The following PCDH15 variants were observed in gnomAD, a reference collection of about 807,000 sequenced individuals.
PCDH15 encodes protocadherin related 15.
PCDH15 carries 129 observed loss-of-function variants against 178.5 expected under a neutral mutation model. The observed-to-expected ratio is 0.72, with a 90% CI of 0.63 to 0.84. The LOEUF (loss-of-function observed/expected upper bound fraction) is 0.84, where lower values mean the gene tolerates loss of function less well. Ranked by LOEUF, PCDH15 falls within the 40% of genes least tolerant of loss-of-function variation. PCDH15 has a pLI of 0.00. For synonymous variants in PCDH15, 800 were observed against 732.0 expected (o/e 1.09, Z -1.50); for missense variants, 2,230 against 2,099.9 (o/e 1.06, Z -1.21).
intron 1 of PCDH15, among the ~76,000 whole-genome samples, chr10:55,291,401 CTA>C (rs1843003314): frequency 6.6e-6 from 1 of 152,108 alleles, no homozygotes; most frequent in Admixed American, 6.6e-5. Flanking sequence ...TCTGTATATT[CTA>C]TTACTATCTG....
chr10:54,285,538 A>C (rs575892922), intron 8 of PCDH15, among the ~76,000 whole-genome samples: 1 of 152,234 alleles, frequency 6.6e-6, no homozygotes, highest in Non-Finnish European at 1.5e-5. Context: ...TCTCATCCCA[A>C]TTCGAATATT....
At chr10:54,410,667 T>A (rs1383684041) in intron 3 of PCDH15, among the ~76,000 whole-genome samples, 3 of 152,140 alleles carry the variant, frequency 2.0e-5, no homozygotes, top group Admixed American at 2.0e-4. Flanking sequence ...AAACTCACAA[T>A]GTACACATTT....
intron 1 of PCDH15, among the ~76,000 whole-genome samples, chr10:54,738,833 C>A (rs113739983): frequency 6.6e-6 from 1 of 152,028 alleles, no homozygotes; most frequent in African/African-American, 2.4e-5. Flanking sequence ...ATCCAACTTT[C>A]CTTCTTTAAA....
intron 2 of PCDH15, among the ~76,000 whole-genome samples, chr10:54,575,869 C>T (rs2090421973): frequency 2.0e-5 from 3 of 152,114 alleles, no homozygotes. Context: ...TGTTTTTGTG[C>T]CATATTTAAT....
chr10:55,623,281 A>C (rs1256027891), intron 2 of PCDH15, among the ~76,000 whole-genome samples: 1 of 152,150 alleles, frequency 6.6e-6, no homozygotes, highest in East Asian at 1.9e-4. Context: ...CTTACATACA[A>C]GTGGCTGTGG....
At chr10:55,613,172 C>G (rs1251527156) in intron 2 of PCDH15, among the ~76,000 whole-genome samples, 3 of 151,910 alleles carry the variant, frequency 2.0e-5, no homozygotes, top group Non-Finnish European at 4.4e-5. Context: ...ATTAGTTTTG[C>G]CTCATGTTCC....
At chr10:55,543,229 T>C (rs1841803170) in intron 2 of PCDH15, among the ~76,000 whole-genome samples, 1 of 150,744 alleles carries the variant, frequency 6.6e-6, no homozygotes, top group Admixed American at 6.6e-5. Flanking sequence ...ATAATTATAA[T>C]TACAAATGTG....
At chr10:55,287,134 T>C (rs1842892177) in intron 1 of PCDH15, among the ~76,000 whole-genome samples, 1 of 151,936 alleles carries the variant, frequency 6.6e-6, no homozygotes, top group South Asian at 2.1e-4. Flanking sequence ...AATCAGTAAC[T>C]TCAAGTTGCC....
chr10:55,113,994 G>C (rs1416132952), intron 2 of PCDH15, among the ~76,000 whole-genome samples: 1 of 151,922 alleles, frequency 6.6e-6, no homozygotes, highest in East Asian at 1.9e-4. Context: ...TGTCGCCCAG[G>C]CTGGAGTGCA....
At chr10:55,075,540 A>C (rs1284859431) in intron 2 of PCDH15, among the ~76,000 whole-genome samples, 1 of 151,112 alleles carries the variant, frequency 6.6e-6, no homozygotes, top group Non-Finnish European at 1.5e-5. Context: ...TAATTTTTGT[A>C]TTTTAGTAGA....
intron 7 of PCDH15, among the ~76,000 whole-genome samples, chr10:54,320,088 C>A (rs965346246): frequency 6.6e-6 from 1 of 152,098 alleles, no homozygotes; most frequent in South Asian, 2.1e-4. Flanking sequence ...CCTAGAGGCA[C>A]TATAAAGATT....
chr10:53,808,748 C>A, intron 37 of PCDH15: 3 of 1,613,004 alleles, frequency 1.9e-6, no homozygotes, highest in Non-Finnish European at 1.7e-6. Flanking sequence ...TTTTGGTTTG[C>A]ATTCTTGCTT....
At chr10:54,061,712 G>T (rs996377366) in intron 18 of PCDH15, among the ~76,000 whole-genome samples, 1 of 151,704 alleles carries the variant, frequency 6.6e-6, no homozygotes, top group Non-Finnish European at 1.5e-5. Context: ...GTATTTACTA[G>T]GTTTTGAGTA....
intron 2 of PCDH15, among the ~76,000 whole-genome samples, chr10:55,137,448 A>G (rs778346460): frequency 1.3e-5 from 2 of 151,992 alleles, no homozygotes; most frequent in Admixed American, 6.6e-5. Context: ...GTGCAAGTAC[A>G]CTCCATAATG....
intron 2 of PCDH15, among the ~76,000 whole-genome samples, chr10:55,139,397 T>G (rs939674579): frequency 2.0e-5 from 3 of 152,052 alleles, no homozygotes; most frequent in African/African-American, 7.2e-5. Context: ...TGTATTTTCT[T>G]AAAGTCTTAT....
At chr10:54,046,741 A>G (rs1394214204) in intron 18 of PCDH15, among the ~76,000 whole-genome samples, 1 of 152,206 alleles carries the variant, frequency 6.6e-6, no homozygotes, top group African/African-American at 2.4e-5. Context: ...ACTTACATTT[A>G]TGTTTACTGT....
At chr10:54,797,415 A>G (rs751089036) in intron 1 of PCDH15, among the ~76,000 whole-genome samples, 1 of 151,868 alleles carries the variant, frequency 6.6e-6, no homozygotes, top group African/African-American at 2.4e-5. Flanking sequence ...ACCTTTAAAC[A>G]AGGTTTATGA....
chr10:54,378,849 C>T lies in PCDH15; in HGVS notation c.251G>A (p.Trp84Ter). The stretch of plus-strand genomic sequence containing the variant: ...TTGCTTAACAGGATCCATCAACACC[C>T]AGTAATCCACATTATCCTTTAAAGA... ...ELSLKDNVDY[W>*]VLMDPVKQML... The change falls in exon 4 of 38, where the codon TGG (tryptophan) becomes TAG (stop). Residue 84 changes from tryptophan (W) to a stop codon, truncating the protein, a stop_gained. Coordinates refer to ENST00000644397, the MANE Select transcript of PCDH15 (RefSeq NM_001384140.1). LOFTEE classifies it high-confidence loss of function. 5 of 1,613,878 alleles carry T rather than the reference C, an allele frequency of 3.1e-6. No homozygotes were observed. Among genetic ancestry groups the T allele is most frequent in the Non-Finnish European group, 4.2e-6 (5 of 1,179,876 alleles).
chr10:53,859,025 C>A (rs2078936013), intron 27 of PCDH15, among the ~76,000 whole-genome samples: 1 of 139,194 alleles, frequency 7.2e-6, no homozygotes, highest in Admixed American at 7.2e-5. Flanking sequence ...TTTCTTCCTT[C>A]CCTCTCCTCC....
Sources: gnomAD v4.1 joint callset for allele counts (sites outside exome capture counted in the v4.1 genomes callset) on GRCh38, gnomAD v4.1.1 for gene constraint, MANE v1.5 for transcripts, NCBI Gene and HGNC (gene_info 2026-07-23, HGNC 2026-07-21) for gene names.